STXBP5L: variants seen among roughly 807,000 people sequenced by gnomAD.
STXBP5L encodes the protein syntaxin binding protein 5L.
A neutral mutation model predicts 144.5 loss-of-function variants in STXBP5L; 65 were observed. The observed-to-expected ratio is 0.45, with a 90% CI of 0.37 to 0.55. The LOEUF (loss-of-function observed/expected upper bound fraction) is 0.55. Ranked by LOEUF, STXBP5L falls within the 20% of genes least tolerant of loss-of-function variation. The pLI, the probability that STXBP5L is intolerant of heterozygous loss-of-function variation, is 0.00. For missense variants in STXBP5L, 1,298 were observed against 1,405.5 expected (o/e 0.92, Z 1.22); for synonymous variants, 505 against 469.6 (o/e 1.08, Z -0.97).
chr3:121,389,151 C>T (rs1000177710), intron 22 of STXBP5L, among the ~76,000 whole-genome samples: 1 of 152,166 alleles, frequency 6.6e-6, no homozygotes, highest in Non-Finnish European at 1.5e-5. Flanking sequence ...TTATCCATTT[C>T]TTCTAGATTT....
At chr3:121,350,182 T>A (rs1033086392) in intron 20 of STXBP5L, among the ~76,000 whole-genome samples, 3 of 152,174 alleles carry the variant, frequency 2.0e-5, no homozygotes, top group African/African-American at 7.2e-5. Flanking sequence ...AGCATTTACT[T>A]GTCTGTAAAG....
At chr3:121,282,225 T>G in intron 19 of STXBP5L, 1 of 1,595,024 alleles carries the variant, frequency 6.3e-7, no homozygotes, top group Non-Finnish European at 8.6e-7. Context: ...TTCTCTTTCT[T>G]CTGCCTGCTG....
intron 9 of STXBP5L, among the ~76,000 whole-genome samples, chr3:121,185,370 C>A (rs976477019): frequency 1.3e-5 from 2 of 152,158 alleles, no homozygotes; most frequent in Non-Finnish European, 2.9e-5. Flanking sequence ...GAAGTCCTTG[C>A]CCATGCCTAT....
chr3:121,050,214 C>T (rs111869942), intron 5 of STXBP5L, among the ~76,000 whole-genome samples: 2 of 152,122 alleles, frequency 1.3e-5, no homozygotes, highest in African/African-American at 4.8e-5. Context: ...CACTTCTACT[C>T]AGCTATCTCA....
At chr3:121,220,055 T>C (rs1000979488) in intron 10 of STXBP5L, among the ~76,000 whole-genome samples, 1 of 152,108 alleles carries the variant, frequency 6.6e-6, no homozygotes, top group Non-Finnish European at 1.5e-5. Context: ...TTTCTAAAAC[T>C]ATCACCACAA....
At chr3:121,082,527 C>G (rs968682275) in intron 5 of STXBP5L, among the ~76,000 whole-genome samples, 4 of 152,154 alleles carry the variant, frequency 2.6e-5, no homozygotes, top group African/African-American at 7.2e-5. Flanking sequence ...GGACCAAGGT[C>G]TGTACTAATA....
intron 7 of STXBP5L, among the ~76,000 whole-genome samples, chr3:121,123,157 A>C (rs1049131959): frequency 2.0e-5 from 3 of 151,644 alleles, no homozygotes; most frequent in African/African-American, 7.2e-5. Context: ...TGTCAACATC[A>C]TACCGACAAA....
intron 22 of STXBP5L, among the ~76,000 whole-genome samples, chr3:121,405,873 T>C (rs2046983935): frequency 6.6e-6 from 1 of 152,126 alleles, no homozygotes; most frequent in Non-Finnish European, 1.5e-5. Context: ...GAAATTCATT[T>C]TGATGCTGAA....
intron 5 of STXBP5L, among the ~76,000 whole-genome samples, chr3:121,090,682 T>C (rs1373483471): frequency 6.6e-6 from 1 of 152,098 alleles, no homozygotes; most frequent in Non-Finnish European, 1.5e-5. Context: ...TTTTGGTCAT[T>C]TATTTGTACT....
chr3:121,159,627 CTT>C (rs1161847567), intron 9 of STXBP5L, among the ~76,000 whole-genome samples: 14 of 121,924 alleles, frequency 1.1e-4, no homozygotes, highest in Admixed American at 8.6e-5. Context: ...TGTACATTTT[CTT>C]TTTTTTTTTT....
intron 5 of STXBP5L, among the ~76,000 whole-genome samples, chr3:121,090,982 T>G (rs2042757191): frequency 7.4e-6 from 1 of 135,658 alleles, no homozygotes; most frequent in Non-Finnish European, 1.5e-5. Flanking sequence ...CCTGTGTCCA[T>G]GTGTTCTCAT....
chr3:121,157,901 G>T, intron 9 of STXBP5L: 1 of 316,268 alleles, frequency 3.2e-6, no homozygotes. Context: ...TATATCTGGG[G>T]CAGAGGAGAT....
At chr3:121,331,894 C>T (rs1334441065) in intron 20 of STXBP5L, among the ~76,000 whole-genome samples, 1 of 152,126 alleles carries the variant, frequency 6.6e-6, no homozygotes, top group African/African-American at 2.4e-5. Flanking sequence ...CTGCAGGAGA[C>T]AGTGAACCTG....
chr3:121,075,187 G>T (rs1409228811), intron 5 of STXBP5L, among the ~76,000 whole-genome samples: 1 of 152,148 alleles, frequency 6.6e-6, no homozygotes, highest in East Asian at 1.9e-4. Context: ...CAGCCGTTTT[G>T]TCCTTGATTG....
At chr3:121,379,443 G>A (rs1442136840) in intron 21 of STXBP5L, among the ~76,000 whole-genome samples, 1 of 152,064 alleles carries the variant, frequency 6.6e-6, no homozygotes, top group Non-Finnish European at 1.5e-5. Context: ...GGCAAAAAAA[G>A]GGAATTTTGT....
At chr3:121,176,812 A>G (rs1475751349) in intron 9 of STXBP5L, among the ~76,000 whole-genome samples, 4 of 151,930 alleles carry the variant, frequency 2.6e-5, no homozygotes, top group Non-Finnish European at 4.4e-5. Flanking sequence ...GTTTTTTTAA[A>G]AAAAAGCAGA....
chr3:121,030,547 G>A (rs887935011), intron 3 of STXBP5L, among the ~76,000 whole-genome samples: 2 of 152,102 alleles, frequency 1.3e-5, no homozygotes, highest in African/African-American at 4.8e-5. Flanking sequence ...GGGACTAGGG[G>A]ATGGATAACA....
intron 22 of STXBP5L, among the ~76,000 whole-genome samples, chr3:121,390,808 C>A (rs1002415401): frequency 1.3e-5 from 2 of 151,946 alleles, no homozygotes; most frequent in East Asian, 1.9e-4. Flanking sequence ...TCTCTGGCTG[C>A]CCTTAACATT....
At chr3:121,334,664 T>G (rs2044442696) in intron 20 of STXBP5L, among the ~76,000 whole-genome samples, 2 of 152,182 alleles carry the variant, frequency 1.3e-5, no homozygotes, top group South Asian at 4.1e-4. Context: ...GCTTTATCCC[T>G]GGGATGCAAG....
Sources: gnomAD v4.1 joint callset for allele counts (sites outside exome capture counted in the v4.1 genomes callset) on GRCh38, gnomAD v4.1.1 for gene constraint, MANE v1.5 for transcripts, NCBI Gene and HGNC (gene_info 2026-07-23, HGNC 2026-07-21) for gene names.